The following MGAT4D variants were observed in gnomAD, a reference collection of about 807,000 sequenced individuals.
MGAT4D encodes the protein MGAT4 family member D.
MGAT4D carries 34 observed loss-of-function variants against 15.9 expected under a neutral mutation model. That is an observed-to-expected ratio of 2.14 (90% CI 1.62 to 2.84). MGAT4D has a LOEUF of 2.84. Among genes scored for constraint, MGAT4D ranks in the 30% most tolerant of loss-of-function variants. The probability of loss-of-function intolerance (pLI) is 0.00; values close to 1 mark genes in which losing one functional copy is unlikely to be tolerated. For missense variants in MGAT4D, 327 were observed against 140.2 expected, an observed-to-expected ratio of 2.33 and a Z score of -6.73; for synonymous variants, 112 against 48.2, an observed-to-expected ratio of 2.33 and a Z score of -5.49.
At chr4:140,475,512 T>C (rs1397340173) in intron 3 of MGAT4D, among the ~76,000 whole-genome samples, 4 of 152,026 alleles carry the variant, frequency 2.6e-5, no homozygotes, top group African/African-American at 9.7e-5. Flanking sequence ...CAATCGTAAC[T>C]ATACTGGTAC....
At chr4:140,472,299 C>A (rs1732016723) in intron 4 of MGAT4D, among the ~76,000 whole-genome samples, 1 of 152,120 alleles carries the variant, frequency 6.6e-6, no homozygotes, top group African/African-American at 2.4e-5. Context: ...GCCTTCCTGA[C>A]AATAAACTTT....
rs573858064 is a variant in MGAT4D, at chr4:140,443,259, T to G, written c.*177A>C. On this transcript the variant is annotated 3_prime_UTR_variant, in exon 11 of 11. Coordinates refer to ENST00000511113, the MANE Select transcript of MGAT4D (RefSeq NM_001277353.2). ...TAATAGGGTAAAAGCAATATAAATG[T>G]TCTACCTTGTCTTGACATAAGAAGT... 3.5e-6 allele frequency: 1 copy of G among 289,354 alleles called. No individual in the cohort carries two copies. Among genetic ancestry groups the G allele is most frequent in the East Asian group, 6.2e-5 (1 of 16,098 alleles). 17.9% of individuals were successfully genotyped at this position (289,354 alleles called of 1,614,324 possible).
At chr4:140,450,035 G>C (rs1416186856) in intron 10 of MGAT4D, 1 of 302,522 alleles carries the variant, frequency 3.3e-6, no homozygotes, top group Admixed American at 5.1e-5. Context: ...TTGAGAAATA[G>C]TCTAATTCTT....
At chr4:140,480,603 G>A (rs1438821160) in intron 2 of MGAT4D, among the ~76,000 whole-genome samples, 7 of 152,108 alleles carry the variant, frequency 4.6e-5, no homozygotes, top group African/African-American at 1.7e-4. Flanking sequence ...CATCTGATAT[G>A]TATCCAGGAT....
chr4:140,486,424 T>C (rs1002489079), intron 1 of MGAT4D, among the ~76,000 whole-genome samples: 4 of 152,126 alleles, frequency 2.6e-5, no homozygotes, highest in Admixed American at 6.6e-5. Context: ...TACATAGATA[T>C]ACATGTGCTG....
intron 3 of MGAT4D, among the ~76,000 whole-genome samples, chr4:140,478,286 C>T (rs1367950737): frequency 6.6e-6 from 1 of 152,208 alleles, no homozygotes; most frequent in East Asian, 1.9e-4. Flanking sequence ...CCATGTCTCT[C>T]TCTCCTTCCT....
rs183996210 is a variant in MGAT4D at position 140,460,312 on chromosome 4, G to A, written c.763-686C>T. On this transcript the variant is annotated intron_variant, in intron 7 of 10. Transcript: ENST00000511113. The stretch of plus-strand genomic sequence containing the variant: ...TATATTTCATAGTCCTGGAGCCTGG[G>A]AAGGCCAAGAACAAGGTGCTAGCAG... 4.4e-4 allele frequency among the ~76,000 whole-genome samples: 67 copies of A among 152,258 alleles called. No individual in the cohort carries two copies. In the South Asian group the frequency reaches 7.7e-3, roughly 17 times the overall value.
intron 8 of MGAT4D, chr4:140,457,106 T>C (rs1730862206): frequency 6.6e-6 from 1 of 152,282 alleles, no homozygotes; most frequent in South Asian, 2.1e-4. Context: ...ATCAATCTAC[T>C]ACATTTTTCG....
In MGAT4D at chr4:140,475,660, C is replaced by CAA. The variant is rs1162390812; in HGVS notation, c.392-716_392-715dup. On this transcript the variant is annotated intron_variant, in intron 3 of 10. Transcript: ENST00000511113. The stretch of plus-strand genomic sequence containing the variant: ...TTTCTAGAAAGCGGTAATAAAACTG[C>CAA]AAAAAAAAAAAAAAAAAAAGGTCAA... Among the ~76,000 whole-genome samples the CAA allele has an allele frequency of 2.5e-4, 13 of 52,846 alleles. 1 individual carries two copies. Among genetic ancestry groups the CAA allele is most frequent in the East Asian group, 1.9e-3 (4 of 2,114 alleles). 34.7% of individuals were successfully genotyped at this position (52,846 alleles called of 152,430 possible).
At chr4:140,469,627 T>C (rs532606759) in intron 5 of MGAT4D, among the ~76,000 whole-genome samples, 1 of 152,342 alleles carries the variant, frequency 6.6e-6, no homozygotes, top group Admixed American at 6.5e-5. Context: ...TTAAAGACTC[T>C]GGGTCAGTTT....
chr4:140,482,517 A>G (rs1478786242), intron 1 of MGAT4D, 32 bp from the exon 2 acceptor site: 6 of 583,880 alleles, frequency 1.0e-5, no homozygotes, highest in Non-Finnish European at 1.8e-5. Flanking sequence ...ATATTTGTAC[A>G]TGTAGCAATG....
At position 140,445,496 on chromosome 4, in the gene MGAT4D, A is replaced by G. The variant is rs567254116; in HGVS notation, c.1117-2052T>C. ...CTGTAGGTTGTCTGTTTACTCTGTT[A>G]ATAGTTTCTTTTGCTATATAGAAGC... On this transcript the variant is annotated intron_variant, in intron 10 of 10. Coordinates refer to ENST00000511113, the MANE Select transcript of MGAT4D (RefSeq NM_001277353.2). Among the ~76,000 whole-genome samples, 75 of 152,172 alleles carry G rather than the reference A, an allele frequency of 4.9e-4. 4 individuals are homozygous for G. The South Asian group carries it at 0.015, about 31-fold the overall frequency.
intron 9 of MGAT4D, among the ~76,000 whole-genome samples, chr4:140,454,004 T>C (rs571218369): frequency 2.5e-4 from 37 of 146,552 alleles, no homozygotes; most frequent in African/African-American, 7.1e-4. Context: ...TTATCAGTTC[T>C]AGGATGTATG....
intron 6 of MGAT4D, chr4:140,462,409 C>T (rs1731249950): frequency 6.4e-6 from 1 of 156,356 alleles, no homozygotes; most frequent in African/African-American, 2.4e-5. Flanking sequence ...GTTTTCTCCC[C>T]AATTCTTAGG....
At chr4:140,452,553 A>T (rs1359047050) in intron 9 of MGAT4D, among the ~76,000 whole-genome samples, 1 of 152,188 alleles carries the variant, frequency 6.6e-6, no homozygotes, top group East Asian at 1.9e-4. Flanking sequence ...TGCTGTAAGG[A>T]CAATCACTAC....
intron 5 of MGAT4D, among the ~76,000 whole-genome samples, chr4:140,469,939 GC>G: frequency 6.6e-6 from 1 of 152,224 alleles, no homozygotes; most frequent in Non-Finnish European, 1.5e-5. Context: ...CCTGCGGGAC[GC>G]CCTTGCTAGC....
At chr4:140,456,471 G>C in intron 9 of MGAT4D, 118 bp downstream of exon 9, 1 of 409,798 alleles carries the variant, frequency 2.4e-6, no homozygotes, top group South Asian at 6.5e-5. Flanking sequence ...TGGGATATTA[G>C]AAATTTTAAA....
At position 140,474,823 on chromosome 4, in the gene MGAT4D, A is replaced by C. The variant is rs1369508390; in HGVS notation, c.515T>G (p.Leu172Trp). The change falls in exon 4 of 11, where the codon TTG (leucine) becomes TGG (tryptophan). Residue 172 changes from leucine to tryptophan, a missense_variant. By Grantham distance (61) the Leu-to-Trp change is moderately conservative. Transcript: ENST00000511113. ...ATTTTGTATACGTACATCTGCAACC[A>C]AGACAATCACTACAGAATCCTTCTC... The part of the protein sequence containing the change: ...SQEKDSVVIV[L>W]VADSNEDYLH... 2.9e-6 allele frequency: 2 copies of C among 680,658 alleles called. No individual in the cohort carries two copies. Among genetic ancestry groups the C allele is most frequent in the Non-Finnish European group, 5.3e-6 (2 of 376,242 alleles). The allele number at this position is 680,658 out of a possible 1,614,324, so 42.2% of individuals were successfully genotyped here.
At position 140,455,589 on chromosome 4, in the gene MGAT4D, G is replaced by A. The variant is rs184917543; in HGVS notation, c.1008+1000C>T. The stretch of plus-strand genomic sequence containing the variant: ...CAATTAAATCCAGTTGGCAGATGGT[G>A]TTGTTCAGTTCTTTTGTCTCCTTGC... On this transcript the variant is annotated intron_variant, in intron 9 of 10. Transcript: ENST00000511113. 3.8e-3 allele frequency among the ~76,000 whole-genome samples: 581 copies of A among 152,260 alleles called. 7 individuals carry two copies. The highest frequency in any genetic ancestry group is 0.013 in the African/African-American group (552 of 41,554).
Sources: allele counts gnomAD v4.1 joint callset (sites outside exome capture counted in the v4.1 genomes callset), GRCh38; gene constraint gnomAD v4.1.1; transcripts MANE v1.5; gene names NCBI Gene and HGNC (gene_info 2026-07-23, HGNC 2026-07-21).